Variants in SFMBT2 observed in about 807,000 individuals in gnomAD.
The protein encoded by SFMBT2 is scm-like with four MBT domains protein 2.
A neutral mutation model predicts 110.1 loss-of-function variants in SFMBT2; 38 were observed. That is an observed-to-expected ratio of 0.35 (90% CI 0.27 to 0.45). The LOEUF (loss-of-function observed/expected upper bound fraction) is 0.45, where lower values mean the gene tolerates loss of function less well. Ranked by LOEUF, SFMBT2 falls within the 20% of genes least tolerant of loss-of-function variation. The pLI, the probability that SFMBT2 is intolerant of heterozygous loss-of-function variation, is 1.00. For missense variants in SFMBT2, 1,011 were observed against 1,094.9 expected (o/e 0.92, Z 1.08); for synonymous variants, 425 against 425.4 (o/e 1.00, Z 0.01).
Position 7,197,592 on chromosome 10 carries a change from G to T in SFMBT2, c.1654C>A (p.Pro552Thr). Residue 552 changes from proline (P) to threonine (T), a missense_variant, in exon 15 of 21, where the codon CCT becomes ACT. Pro to Thr is a conservative substitution (Grantham distance 38). Coordinates refer to ENST00000397167, the MANE Select transcript of SFMBT2 (RefSeq NM_001387889.1). ...YLNKGRIAELPQSVGPGKCVL... is the reference protein window; with the variant it reads ...YLNKGRIAELTQSVGPGKCVL... ...CATTTGCCCGGTCCCACCGACTGAG[G>T]TAGCTCTGCAATCCTTCCTTTGTTC... The T allele has an allele frequency of 4.3e-6, 7 of 1,614,196 alleles. No individual in the cohort carries two copies. Among genetic ancestry groups the T allele is most frequent in the East Asian group, 2.2e-5 (1 of 44,888 alleles).
intron 17 of SFMBT2, among the ~76,000 whole-genome samples, chr10:7,173,143 T>C (rs1317862044): frequency 1.3e-5 from 2 of 152,178 alleles, no homozygotes; most frequent in Non-Finnish European, 2.9e-5. Context: ...GGGAGGTAAG[T>C]GTGCGCAGTG....
chr10:7,201,551 C>T (rs1838958455), intron 13 of SFMBT2, among the ~76,000 whole-genome samples: 1 of 152,172 alleles, frequency 6.6e-6, no homozygotes, highest in Non-Finnish European at 1.5e-5. Context: ...CAGAGCTGCT[C>T]TTCTCATTCA....
intron 1 of SFMBT2, among the ~76,000 whole-genome samples, chr10:7,401,101 C>A (rs1846070249): frequency 6.6e-6 from 1 of 151,994 alleles, no homozygotes; most frequent in Admixed American, 6.6e-5. Flanking sequence ...CCACTGCACT[C>A]CAGCCTGGCC....
intron 11 of SFMBT2, 31 bp downstream of exon 11, chr10:7,220,380 C>G (rs536287193): frequency 1.9e-6 from 3 of 1,605,308 alleles, no homozygotes; most frequent in East Asian, 4.5e-5. Context: ...TACATTCCCC[C>G]CAGCGACTGC....
At chr10:7,411,380 GCA>G (rs1490263806), upstream of SFMBT2, 3 of 152,304 alleles carry the variant, frequency 2.0e-5, no homozygotes, top group African/African-American at 7.2e-5. Context: ...GGGCGTTTCC[GCA>G]CACCCCTCCG....
intron 2 of SFMBT2, among the ~76,000 whole-genome samples, chr10:7,377,027 G>A (rs1377480567): frequency 6.6e-6 from 1 of 151,476 alleles, no homozygotes; most frequent in African/African-American, 2.4e-5. Flanking sequence ...AAATTAGCTG[G>A]GCATGGTGGC....
intron 7 of SFMBT2, among the ~76,000 whole-genome samples, chr10:7,253,825 CAA>C (rs3065776): frequency 3.0e-5 from 4 of 134,034 alleles, no homozygotes; most frequent in African/African-American, 8.4e-5. Flanking sequence ...AATCAACAAC[CAA>C]AAAAAAAAAA....
chr10:7,266,323 C>T (rs1841389512), intron 7 of SFMBT2, among the ~76,000 whole-genome samples: 2 of 110,488 alleles, frequency 1.8e-5, no homozygotes, highest in South Asian at 2.5e-4. Flanking sequence ...CTCCTGACCT[C>T]AGGTGATCCA....
chr10:7,295,383 C>T (rs1446312895), intron 4 of SFMBT2: 1 of 152,222 alleles, frequency 6.6e-6, no homozygotes, highest in African/African-American at 2.4e-5. Flanking sequence ...AACTGGCCAA[C>T]AAATAATAGG....
intron 12 of SFMBT2, chr10:7,205,350 C>A: frequency 3.1e-6 from 3 of 965,088 alleles, no homozygotes; most frequent in Non-Finnish European, 3.7e-6. Context: ...CTTGGCCTCC[C>A]AAAGTACTGA....
At chr10:7,368,306 G>T in intron 3 of SFMBT2, 3 of 983,864 alleles carry the variant, frequency 3.0e-6, no homozygotes, top group Non-Finnish European at 3.6e-6. Flanking sequence ...CCACATGATA[G>T]GGGCTATTCC....
chr10:7,297,101 C>T (rs927281290), intron 4 of SFMBT2, among the ~76,000 whole-genome samples: 13 of 152,188 alleles, frequency 8.5e-5, no homozygotes, highest in African/African-American at 2.9e-4. Flanking sequence ...AACACATTGC[C>T]CTACCGTTAC....
intron 9 of SFMBT2, chr10:7,241,424 A>C (rs745457635): frequency 2.9e-4 from 211 of 730,824 alleles, no homozygotes; most frequent in Non-Finnish European, 3.4e-4. Flanking sequence ...GTATTTGCAT[A>C]TAATATCCAT....
chr10:7,168,559 C>T (rs1383423351), intron 20 of SFMBT2, among the ~76,000 whole-genome samples: 1 of 152,226 alleles, frequency 6.6e-6, no homozygotes, highest in Non-Finnish European at 1.5e-5. Context: ...GCAACCAAAC[C>T]TGCGTGATCA....
intron 8 of SFMBT2, among the ~76,000 whole-genome samples, 185 bp from the exon 9 acceptor site, chr10:7,243,890 G>A (rs542667616): frequency 1.3e-5 from 2 of 152,296 alleles, no homozygotes; most frequent in East Asian, 3.9e-4. Context: ...AGAATTGACT[G>A]CTGTGGTCCT....
rs193110959 is a variant in SFMBT2, at chr10:7,367,563, G to A, written c.436+86C>T. 21 of 1,528,624 alleles carry A rather than the reference G, an allele frequency of 1.4e-5. No homozygotes were observed. Among genetic ancestry groups the A allele is most frequent in the Middle Eastern group, 2.4e-4 (1 of 4,108 alleles). 94.7% of individuals were successfully genotyped at this position (1,528,624 alleles called of 1,614,324 possible). ...GCACTAAGACCATTAGGGATTCTACGCAAGGTTCTCTCTGCTCCTTGCAAA... is the reference window on the plus strand; with the variant it reads ...GCACTAAGACCATTAGGGATTCTACACAAGGTTCTCTCTGCTCCTTGCAAA... On this transcript the variant is annotated intron_variant, in intron 4 of 20. Transcript: ENST00000397167. The surrounding 1 kb of genome is among the most constrained non-coding windows in gnomAD (Gnocchi z 6.2).
In SFMBT2 at chr10:7,171,980, C is replaced by G; in HGVS notation, c.2330G>C (p.Arg777Thr). 1 of 1,536,496 alleles carries G rather than the reference C, an allele frequency of 6.5e-7. No homozygotes were observed. Among genetic ancestry groups the G allele is most frequent in the Non-Finnish European group, 8.7e-7 (1 of 1,145,122 alleles). Residue 777 changes from arginine (R) to threonine (T), a missense_variant, in exon 19 of 21, where the codon AGG (arginine) becomes ACG (threonine). Around this residue, in one of 2 missense-constraint regions of SFMBT2, gnomAD observed 979 missense variants for 1,016.1 expected, o/e 0.96. Transcript: ENST00000397167. The surrounding 1 kb of genome is among the most constrained non-coding windows in gnomAD (Gnocchi z 4.9). ...SEPVRRPPPE[R>T]TRRGRGAPAA... Reference sequence around the variant, plus strand: ...CGGCGCCCCGCGGCCCCTTCGTGTCCTCTCTGGGGGTGGCCGGCGCACGGG... The same window carrying G: ...CGGCGCCCCGCGGCCCCTTCGTGTCGTCTCTGGGGGTGGCCGGCGCACGGG...
In SFMBT2 at chr10:7,171,841, G is replaced by T; in HGVS notation, c.2415+54C>A. ...ACATCGTGGCCCTGAAGTGTAACAG[G>T]TGTGCTTCTTCAGACCCAGCGGGAA... On this transcript the variant is annotated intron_variant, in intron 19 of 20. Coordinates refer to ENST00000397167, the MANE Select transcript of SFMBT2 (RefSeq NM_001387889.1). The surrounding 1 kb of genome is among the most constrained non-coding windows in gnomAD (Gnocchi z 4.9). 1 of 1,371,088 alleles carries T rather than the reference G, an allele frequency of 7.3e-7. No homozygotes were observed. Among genetic ancestry groups the T allele is most frequent in the Non-Finnish European group, 9.4e-7 (1 of 1,062,532 alleles). The allele number at this position is 1,371,088 out of a possible 1,614,324, so 84.9% of individuals were successfully genotyped here.
intron 9 of SFMBT2, among the ~76,000 whole-genome samples, chr10:7,232,609 T>C (rs770800556): frequency 2.0e-5 from 3 of 152,142 alleles, no homozygotes; most frequent in Non-Finnish European, 2.9e-5. Context: ...AATTATTAGA[T>C]TCATATAAAA....
Sources: gnomAD v4.1 joint callset for allele counts (sites outside exome capture counted in the v4.1 genomes callset) on GRCh38, gnomAD v4.1.1 for gene constraint, gnomAD v4.1.1 regional missense constraint, Gnocchi (gnomAD v3.1) non-coding constraint, MANE v1.5 for transcripts, NCBI Gene and HGNC (gene_info 2026-07-23, HGNC 2026-07-21) for gene names.